The following CAMKMT variants were observed in gnomAD, a reference collection of about 807,000 sequenced individuals.
CAMKMT encodes the protein CaM KMT.
Under a neutral mutation model 48.0 loss-of-function variants are expected in CAMKMT, and 53 were observed. The observed-to-expected ratio is 1.10, with a 90% confidence interval of 0.89 to 1.39. The LOEUF (loss-of-function observed/expected upper bound fraction) is 1.39, where lower values mean the gene tolerates loss of function less well. CAMKMT is among the 40% of genes most tolerant of loss of function. CAMKMT has a pLI of 0.00. For missense variants in CAMKMT, 428 were observed against 402.7 expected (o/e 1.06, Z -0.54); for synonymous variants, 165 against 152.3 (o/e 1.08, Z -0.61).
chr2:44,690,504 C>T (rs930955046), intron 3 of CAMKMT, among the ~76,000 whole-genome samples: 5 of 152,218 alleles, frequency 3.3e-5, no homozygotes, highest in African/African-American at 1.2e-4. Flanking sequence ...TAAACCCTGG[C>T]TGTGCCGCTT....
At position 44,397,399 on chromosome 2, in the gene CAMKMT, G is replaced by T. The variant is rs1681952558; in HGVS notation, c.376+7094G>T. Among the ~76,000 whole-genome samples the T allele has an allele frequency of 2.0e-5, 3 of 152,360 alleles. No homozygotes were observed. In the South Asian group the frequency reaches 6.2e-4, roughly 32 times the overall value. ...GGGACCTGAAAGCCAGTGGAGCACT[G>T]ATGGTATGCAGCATGGCAGTGGATT... is the stretch of plus-strand genomic sequence containing the variant. On this transcript the variant is annotated intron_variant, in intron 3 of 10. Coordinates refer to ENST00000378494, the MANE Select transcript of CAMKMT (RefSeq NM_024766.5).
rs145525703 is a variant in CAMKMT at position 44,664,907 on chromosome 2, A to G, written c.377-39376A>G. The stretch of plus-strand genomic sequence containing the variant: ...TGGCAGGTGGTTCAGTGTGGGTCAC[A>G]GTGATTCTCAGCTCTGGCTGTAGAG... On this transcript the variant is annotated intron_variant, in intron 3 of 10. Transcript: ENST00000378494. Among the ~76,000 whole-genome samples the G allele has an allele frequency of 2.6e-3, 395 of 152,344 alleles. 4 individuals carry two copies. Among genetic ancestry groups the G allele is most frequent in the African/African-American group, 9.1e-3 (379 of 41,588 alleles).
chr2:44,613,288 G>A (rs1452314165), intron 3 of CAMKMT, among the ~76,000 whole-genome samples: 1 of 152,112 alleles, frequency 6.6e-6, no homozygotes, highest in African/African-American at 2.4e-5. Context: ...TTTCCTTACT[G>A]GTAGAGAAAT....
At chr2:44,664,910 G>A (rs1349902055) in intron 3 of CAMKMT, among the ~76,000 whole-genome samples, 1 of 152,180 alleles carries the variant, frequency 6.6e-6, no homozygotes, top group Non-Finnish European at 1.5e-5. Flanking sequence ...GGGTCACAGT[G>A]ATTCTCAGCT....
At chr2:44,455,282 C>T (rs1667504074) in intron 3 of CAMKMT, among the ~76,000 whole-genome samples, 1 of 151,364 alleles carries the variant, frequency 6.6e-6, no homozygotes, top group Non-Finnish European at 1.5e-5. Context: ...TGAAGATGGG[C>T]AGGATGAAAG....
At chr2:44,412,417 C>T (rs998159132) in intron 3 of CAMKMT, among the ~76,000 whole-genome samples, 1 of 152,176 alleles carries the variant, frequency 6.6e-6, no homozygotes, top group African/African-American at 2.4e-5. Context: ...CTCACTGCAA[C>T]CTCTGCCTCC....
chr2:44,439,666 G>A (rs1261451978), intron 3 of CAMKMT, among the ~76,000 whole-genome samples: 3 of 151,754 alleles, frequency 2.0e-5, no homozygotes, highest in Admixed American at 1.3e-4. Flanking sequence ...GTGAAACCCC[G>A]TCTCTACTAA....
chr2:44,557,909 C>T (rs192481911), intron 3 of CAMKMT, among the ~76,000 whole-genome samples: 21 of 152,266 alleles, frequency 1.4e-4, no homozygotes, highest in Non-Finnish European at 2.4e-4. Flanking sequence ...CTCCCCACTG[C>T]GCATGTCAGT....
Position 44,489,339 on chromosome 2 carries a change from A to C in CAMKMT, c.376+99034A>C, listed in dbSNP as rs548072697. Among the ~76,000 whole-genome samples the C allele has an allele frequency of 6.9e-5, 10 of 145,504 alleles. No homozygotes were observed. The Admixed American group carries it at 7.1e-4, about 10-fold the overall frequency. ...TGGCTCACTGCAATCTCTGCCTCCC[A>C]GGTTCAAGCAATTCTCCTGCCTAAG... On this transcript the variant is annotated intron_variant, in intron 3 of 10. Transcript: ENST00000378494.
intron 3 of CAMKMT, among the ~76,000 whole-genome samples, chr2:44,645,531 AG>A (rs1673684338): frequency 6.6e-6 from 1 of 152,166 alleles, no homozygotes; most frequent in Non-Finnish European, 1.5e-5. Context: ...ATTAGCAAAA[AG>A]AATCTAGACC....
chr2:44,546,202 C>CACACACACACACACACAT (rs1205658214), intron 3 of CAMKMT, among the ~76,000 whole-genome samples: 22 of 139,010 alleles, frequency 1.6e-4, no homozygotes, highest in African/African-American at 5.0e-4. Context: ...CACACACACA[C>CACACACACACACACACAT]ATACATGCAC....
intron 3 of CAMKMT, among the ~76,000 whole-genome samples, chr2:44,635,838 A>T (rs1673099905): frequency 6.6e-6 from 1 of 152,202 alleles, no homozygotes; most frequent in East Asian, 1.9e-4. Context: ...GAAGTGACTT[A>T]AAATAGACTA....
At chr2:44,456,513 G>GC (rs1667570744) in intron 3 of CAMKMT, 10 of 1,542,072 alleles carry the variant, frequency 6.5e-6, no homozygotes, top group Non-Finnish European at 7.9e-6. Context: ...GGAATGAAAA[G>GC]CTTTAACTAC....
chr2:44,626,442 T>C (rs1672487468), intron 3 of CAMKMT, among the ~76,000 whole-genome samples: 1 of 152,188 alleles, frequency 6.6e-6, no homozygotes, highest in South Asian at 2.1e-4. Flanking sequence ...TTTTATAGAA[T>C]ATTTTATGTA....
chr2:44,695,607 T>G (rs544265459), intron 3 of CAMKMT, among the ~76,000 whole-genome samples: 9 of 152,338 alleles, frequency 5.9e-5, no homozygotes, highest in African/African-American at 2.2e-4. Context: ...TGCACTCCTT[T>G]AAGAAACCTC....
intron 9 of CAMKMT, among the ~76,000 whole-genome samples, chr2:44,761,506 A>C (rs1680617453): frequency 6.6e-6 from 1 of 152,250 alleles, no homozygotes; most frequent in Non-Finnish European, 1.5e-5. Context: ...CACCCCAATT[A>C]CAAAACAGAT....
At chr2:44,510,054 A>C (rs958389107) in intron 3 of CAMKMT, among the ~76,000 whole-genome samples, 6 of 152,208 alleles carry the variant, frequency 3.9e-5, no homozygotes, top group African/African-American at 1.4e-4. Flanking sequence ...AACATCTTAC[A>C]TTACCATAGA....
rs1218817837 is a variant in CAMKMT at position 44,589,883 on chromosome 2, T to TAAA, written c.377-114390_377-114388dup. Among the ~76,000 whole-genome samples the TAAA allele has an allele frequency of 4.5e-3, 104 of 23,204 alleles. 4 individuals carry two copies. Among genetic ancestry groups the TAAA allele is most frequent in the African/African-American group, 0.011 (68 of 6,380 alleles). 15.2% of individuals were successfully genotyped at this position (23,204 alleles called of 152,430 possible). A position where few individuals can be genotyped will look rare whatever the true frequency, so the allele number is the denominator to read the frequency against. On this transcript the variant is annotated intron_variant, in intron 3 of 10. Transcript: ENST00000378494. ...GCGAGAAACACCCAAGAATGATCAATAAAAAAAAAAAAGAAAAAAAAAAAA... is the reference window on the plus strand; with the variant it reads ...GCGAGAAACACCCAAGAATGATCAATAAAAAAAAAAAAAAAGAAAAAAAAAAAA...
At chr2:44,415,497 A>G (rs1326512631) in intron 3 of CAMKMT, among the ~76,000 whole-genome samples, 1 of 152,206 alleles carries the variant, frequency 6.6e-6, no homozygotes. Context: ...AGTGATACAA[A>G]TTAAGATAAT....
Sources: gnomAD v4.1 joint callset for allele counts (sites outside exome capture counted in the v4.1 genomes callset) on GRCh38, gnomAD v4.1.1 for gene constraint, MANE v1.5 for transcripts, NCBI Gene and HGNC (gene_info 2026-07-23, HGNC 2026-07-21) for gene names.